The following CACNA1A variants were observed in gnomAD, a reference collection of about 807,000 sequenced individuals.
The protein encoded by CACNA1A is voltage-dependent P/Q-type calcium channel subunit alpha-1A.
CACNA1A carries 57 observed loss-of-function variants against 262.4 expected under a neutral mutation model. The observed-to-expected ratio is 0.22, with a 90% CI of 0.18 to 0.27. The LOEUF is 0.27. Among genes scored for constraint, CACNA1A ranks in the 10% least tolerant of loss-of-function variants. The probability of loss-of-function intolerance (pLI) is 1.00; values close to 1 mark genes in which losing one functional copy is unlikely to be tolerated. For missense variants in CACNA1A, 2,526 were observed against 3,562.8 expected (o/e 0.71, Z 7.41); for synonymous variants, 1,431 against 1,419.3 (o/e 1.01, Z -0.18).
At chr19:13,394,305 G>T (rs907483285) in intron 3 of CACNA1A, among the ~76,000 whole-genome samples, 2 of 152,110 alleles carry the variant, frequency 1.3e-5, no homozygotes, top group Non-Finnish European at 2.9e-5. Flanking sequence ...TCTCTGCAAT[G>T]CTCTCAGGTT....
At chr19:13,307,942 C>T (rs1366196516) in intron 14 of CACNA1A, 88 bp from the exon 15 acceptor site, 22 of 1,416,692 alleles carry the variant, frequency 1.6e-5, no homozygotes, top group Admixed American at 1.7e-5. Flanking sequence ...AGGAAACGAA[C>T]GTCTCCATCA....
In CACNA1A at chr19:13,489,003, C is replaced by CTTTTTTTTTTTTTTTTTTTT. The variant is rs896790084; in HGVS notation, c.293+16909_293+16928dup. ...TATTGTAATTAATTTCTTTTCTTTT[C>CTTTTTTTTTTTTTTTTTTTT]TTTTTTTTTTTTTTTTTTTTTTTTT... On this transcript the variant is annotated intron_variant, in intron 1 of 46. Transcript: ENST00000360228. Among the ~76,000 whole-genome samples the CTTTTTTTTTTTTTTTTTTTT allele has an allele frequency of 6.9e-4, 52 of 75,226 alleles. 2 individuals are homozygous for CTTTTTTTTTTTTTTTTTTTT. The highest frequency in any genetic ancestry group is 9.5e-4 in the African/African-American group (13 of 13,756). The allele number at this position is 75,226 out of a possible 152,430, so 49.4% of individuals were successfully genotyped here.
Position 13,231,724 on chromosome 19 carries a change from G to T in CACNA1A, c.5386C>A (p.Leu1796Ile), listed in dbSNP as rs1210147188. Reference sequence around the variant, plus strand: ...CACAGACTCACCAGAAACGAGCAGAGGAAGATGAAGGAAACAAAGTAAAAA... The same window carrying T: ...CACAGACTCACCAGAAACGAGCAGATGAAGATGAAGGAAACAAAGTAAAAA... ...AYFYFVSFIF[L>I]CSFLMLNLFV... The change falls in exon 35 of 47, where the codon CTC (leucine) becomes ATC (isoleucine). Residue 1796 changes from leucine (L) to isoleucine (I), a missense_variant. Transcript: ENST00000360228. The T allele has an allele frequency of 6.2e-7, 1 of 1,611,674 alleles. No homozygotes were observed.
At chr19:13,411,763 G>A (rs1363552229) in intron 3 of CACNA1A, among the ~76,000 whole-genome samples, 4 of 151,598 alleles carry the variant, frequency 2.6e-5, no homozygotes. Context: ...CCAGGCTGAA[G>A]CACAATGGTG....
In CACNA1A at chr19:13,506,262, G is replaced by C; in HGVS notation, c.-38C>G. The stretch of plus-strand genomic sequence containing the variant: ...AAAGGGCTCCGGGTTACGCTGCGGC[G>C]AACGATGCGGAAGACGCCGCCGCCG... On this transcript the variant is annotated 5_prime_UTR_variant, in exon 1 of 47. Transcript: ENST00000360228. The C allele has an allele frequency of 1.4e-6, 2 of 1,407,638 alleles. No homozygotes were observed. Among genetic ancestry groups the C allele is most frequent in the South Asian group, 3.2e-5 (2 of 62,440 alleles). 87.2% of individuals were successfully genotyped at this position (1,407,638 alleles called of 1,614,324 possible).
chr19:13,316,958 T>C (rs1340415192), intron 11 of CACNA1A, 154 bp downstream of exon 11: 3 of 577,644 alleles, frequency 5.2e-6, no homozygotes, highest in Admixed American at 3.0e-5. Flanking sequence ...AACAGTAACA[T>C]TGGCCCCAGT....
At chr19:13,492,923 A>G (rs1473192594) in intron 1 of CACNA1A, among the ~76,000 whole-genome samples, 1 of 152,008 alleles carries the variant, frequency 6.6e-6, no homozygotes, top group Non-Finnish European at 1.5e-5. Flanking sequence ...GTACGTTCCT[A>G]AGGGTGTGGG....
At position 13,236,164 on chromosome 19, in the gene CACNA1A, C is replaced by T. The variant is rs888246685; in HGVS notation, c.4951-434G>A. 1.6e-4 allele frequency among the ~76,000 whole-genome samples: 23 copies of T among 145,762 alleles called. No individual in the cohort carries two copies. Among genetic ancestry groups the T allele is most frequent in the Non-Finnish European group, 3.1e-4 (21 of 67,360 alleles). On this transcript the variant is annotated intron_variant, in intron 31 of 46. Coordinates refer to ENST00000360228, the MANE Select transcript of CACNA1A (RefSeq NM_001127222.2). The surrounding 1 kb of genome is among the most constrained non-coding windows in gnomAD (Gnocchi z 4.6). The stretch of plus-strand genomic sequence containing the variant: ...TGCACTGAGACGAAAGGACACAAGC[C>T]GGTCAAGTTGCGGAATCTATCATAC...
chr19:13,367,970 C>T (rs1026300633), intron 4 of CACNA1A, among the ~76,000 whole-genome samples: 2 of 152,052 alleles, frequency 1.3e-5, no homozygotes, highest in Non-Finnish European at 2.9e-5. Flanking sequence ...TACTGAAATT[C>T]GCATCCTGCA....
intron 2 of CACNA1A, 27 bp from the exon 3 acceptor site, chr19:13,453,042 C>T (rs377265304): frequency 7.8e-5 from 126 of 1,613,408 alleles, no homozygotes; most frequent in Middle Eastern, 1.7e-4. Flanking sequence ...GCAAGGTCAG[C>T]GTCTTGGGCT....
At chr19:13,430,082 T>A (rs1404606694) in intron 3 of CACNA1A, among the ~76,000 whole-genome samples, 1 of 151,394 alleles carries the variant, frequency 6.6e-6, no homozygotes, top group Non-Finnish European at 1.5e-5. Flanking sequence ...TTTTGCAAGA[T>A]GCAAAAGTTC....
chr19:13,298,320 G>A (rs980648534), intron 19 of CACNA1A, among the ~76,000 whole-genome samples: 9 of 149,700 alleles, frequency 6.0e-5, no homozygotes, highest in Non-Finnish European at 8.9e-5. Flanking sequence ...TATTAGAGGT[G>A]GGGTTTCACC....
At chr19:13,451,655 G>C (rs1020670612) in intron 3 of CACNA1A, 6 of 152,210 alleles carry the variant, frequency 3.9e-5, no homozygotes, top group African/African-American at 1.4e-4. Flanking sequence ...GAATGGAACA[G>C]GTATGGGTCA....
intron 38 of CACNA1A, among the ~76,000 whole-genome samples, chr19:13,222,691 G>A (rs576583926): frequency 1.2e-3 from 180 of 147,554 alleles, no homozygotes; most frequent in African/African-American, 2.7e-3. Flanking sequence ...CAGCGTGCCC[G>A]GCCTCAGCTT....
intron 6 of CACNA1A, among the ~76,000 whole-genome samples, chr19:13,345,614 T>TA (rs1325821041): frequency 1.3e-5 from 2 of 151,978 alleles, no homozygotes; most frequent in Non-Finnish European, 2.9e-5. Flanking sequence ...TACAGGATGT[T>TA]AAAAAAACAA....
At chr19:13,494,738 C>G (rs772232548) in intron 1 of CACNA1A, among the ~76,000 whole-genome samples, 1 of 152,062 alleles carries the variant, frequency 6.6e-6, no homozygotes, top group African/African-American at 2.4e-5. Context: ...AAGCAAGGCA[C>G]GTCTTACATG....
chr19:13,227,329 G>A (rs1158497831), intron 37 of CACNA1A, 102 bp downstream of exon 37: 6 of 541,866 alleles, frequency 1.1e-5, no homozygotes, highest in Non-Finnish European at 2.0e-5. Flanking sequence ...GTTGGAAAAA[G>A]AGAGTCGGCC....
chr19:13,477,601 T>A (rs1411941013), intron 1 of CACNA1A, among the ~76,000 whole-genome samples: 1 of 152,196 alleles, frequency 6.6e-6, no homozygotes, highest in African/African-American at 2.4e-5. Context: ...TTCCTTATTA[T>A]TATTCACACA....
At chr19:13,336,051 C>T (rs1026512482) in intron 6 of CACNA1A, 142 bp from the exon 7 acceptor site, 1 of 565,662 alleles carries the variant, frequency 1.8e-6, no homozygotes, top group Admixed American at 3.1e-5. Flanking sequence ...GCTCTGGCAT[C>T]CCAGAGGGGG....
Sources: gnomAD v4.1 joint callset for allele counts (sites outside exome capture counted in the v4.1 genomes callset) on GRCh38, gnomAD v4.1.1 for gene constraint, Gnocchi (gnomAD v3.1) non-coding constraint, MANE v1.5 for transcripts, NCBI Gene and HGNC (gene_info 2026-07-23, HGNC 2026-07-21) for gene names.